Variants in EML4 observed in about 807,000 individuals in gnomAD.
EML4 encodes echinoderm microtubule-associated protein-like 4.
In EML4, 72 loss-of-function variants were observed where a neutral mutation model predicts 129.0. That is an observed-to-expected ratio of 0.56 (90% CI 0.46 to 0.68). The LOEUF (loss-of-function observed/expected upper bound fraction) is 0.68. Among genes scored for constraint, EML4 ranks in the 30% least tolerant of loss-of-function variants. EML4 has a pLI of 0.00. For synonymous variants in EML4, 532 were observed against 405.0 expected (o/e 1.31, Z -3.77); for missense variants, 1,363 against 1,190.6 (o/e 1.14, Z -2.13).
At chr2:42,250,863 A>T (rs922635614) in intron 2 of EML4, among the ~76,000 whole-genome samples, 1 of 152,176 alleles carries the variant, frequency 6.6e-6, no homozygotes, top group African/African-American at 2.4e-5. Context: ...GGGAGCCCTG[A>T]GTTTGTTTTC....
intron 1 of EML4, among the ~76,000 whole-genome samples, chr2:42,170,720 G>A (rs1487201015): frequency 2.0e-5 from 3 of 152,212 alleles, no homozygotes; most frequent in Non-Finnish European, 4.4e-5. Flanking sequence ...ACCTACTGCT[G>A]GAACTGTATT....
chr2:42,282,283 T>C (rs1327768351), intron 7 of EML4, among the ~76,000 whole-genome samples: 1 of 152,052 alleles, frequency 6.6e-6, no homozygotes. Flanking sequence ...CACATTAGGA[T>C]TTCAATACAT....
rs530479511 is a variant in EML4, at chr2:42,249,101, C to G, written c.208+3414C>G. Among the ~76,000 whole-genome samples the G allele has an allele frequency of 1.1e-3, 160 of 152,212 alleles. 1 individual carries two copies. The highest frequency in any genetic ancestry group is 1.8e-3 in the Non-Finnish European group (119 of 67,992). ...TTGTGTACAGCCTAAAATAGATCATCTCAGTTTTGATATTAAACAGGATTG... is the reference window on the plus strand; with the variant it reads ...TTGTGTACAGCCTAAAATAGATCATGTCAGTTTTGATATTAAACAGGATTG... On this transcript the variant is annotated intron_variant, in intron 2 of 22. Coordinates refer to ENST00000318522, the MANE Select transcript of EML4 (RefSeq NM_019063.5).
intron 13 of EML4, among the ~76,000 whole-genome samples, chr2:42,299,801 G>T (rs1668178384): frequency 6.6e-6 from 1 of 152,176 alleles, no homozygotes; most frequent in Admixed American, 6.5e-5. Flanking sequence ...CGATTCTCCT[G>T]CCTCAGCCTC....
chr2:42,313,246 G>A (rs1416159304), intron 17 of EML4, among the ~76,000 whole-genome samples: 3 of 152,084 alleles, frequency 2.0e-5, no homozygotes, highest in Non-Finnish European at 2.9e-5. Flanking sequence ...ATGAGCCACC[G>A]CGCCTGGCTA....
chr2:42,294,347 A>G (rs903898864), intron 11 of EML4, among the ~76,000 whole-genome samples: 8 of 152,202 alleles, frequency 5.3e-5, no homozygotes, highest in African/African-American at 1.7e-4. Flanking sequence ...TTCTAAATCT[A>G]CTTTTTAAGG....
At chr2:42,266,318 T>C (rs1447493619) in intron 6 of EML4, among the ~76,000 whole-genome samples, 2 of 152,212 alleles carry the variant, frequency 1.3e-5, no homozygotes, top group African/African-American at 4.8e-5. Context: ...AAATGAAATT[T>C]TATTTATGAA....
chr2:42,225,126 A>G (rs1339884185), intron 1 of EML4, among the ~76,000 whole-genome samples: 2 of 152,164 alleles, frequency 1.3e-5, no homozygotes, highest in East Asian at 1.9e-4. Context: ...CATTTTATGT[A>G]TATGCCACAT....
At chr2:42,216,048 T>G (rs1673165211) in intron 1 of EML4, among the ~76,000 whole-genome samples, 1 of 151,658 alleles carries the variant, frequency 6.6e-6, no homozygotes, top group Non-Finnish European at 1.5e-5. Flanking sequence ...GCCTCTTAAG[T>G]AGCTGAGACT....
intron 9 of EML4, among the ~76,000 whole-genome samples, chr2:42,285,681 C>G (rs1432951826): frequency 6.6e-6 from 1 of 151,656 alleles, no homozygotes; most frequent in Non-Finnish European, 1.5e-5. Flanking sequence ...TCACTGCAAC[C>G]TGTGTCTCCC....
At chr2:42,266,969 T>C (rs1666097692) in intron 6 of EML4, among the ~76,000 whole-genome samples, 1 of 152,214 alleles carries the variant, frequency 6.6e-6, no homozygotes, top group Non-Finnish European at 1.5e-5. Context: ...TTGAGTTGTC[T>C]ATAAAACTTA....
intron 1 of EML4, among the ~76,000 whole-genome samples, chr2:42,245,070 G>T (rs1478873204): frequency 2.1e-5 from 2 of 94,476 alleles, no homozygotes; most frequent in Admixed American, 1.1e-4. Flanking sequence ...ATGTTATGGA[G>T]TTTTTTGTTT....
chr2:42,247,088 G>T (rs1013634905), intron 2 of EML4, among the ~76,000 whole-genome samples: 8 of 152,156 alleles, frequency 5.3e-5, no homozygotes, highest in African/African-American at 1.9e-4. Context: ...TTTAAAATTT[G>T]TTAAAAATAT....
At chr2:42,218,140 A>G (rs1014320377) in intron 1 of EML4, among the ~76,000 whole-genome samples, 1 of 152,212 alleles carries the variant, frequency 6.6e-6, no homozygotes, top group South Asian at 2.1e-4. Flanking sequence ...CACTCTCATT[A>G]CCACCTACGC....
intron 11 of EML4, among the ~76,000 whole-genome samples, chr2:42,294,072 T>TTTTACTATAAAATATCAATTTACTATA (rs1667810601): frequency 2.6e-5 from 4 of 152,246 alleles, no homozygotes; most frequent in Admixed American, 2.6e-4. Flanking sequence ...GAGTAGATGA[T>TTTTACTATAAAATATCAATTTACTATA]TTTACTATAA....
At chr2:42,222,028 T>A (rs1335335165) in intron 1 of EML4, among the ~76,000 whole-genome samples, 1 of 152,090 alleles carries the variant, frequency 6.6e-6, no homozygotes, top group Non-Finnish European at 1.5e-5. Context: ...CCTCTGCACC[T>A]GGCCTAAAGT....
intron 1 of EML4, among the ~76,000 whole-genome samples, chr2:42,190,957 T>G (rs992103826): frequency 6.6e-6 from 1 of 152,258 alleles, no homozygotes; most frequent in African/African-American, 2.4e-5. Flanking sequence ...CAAAAACAGT[T>G]GACAGGCCAG....
chr2:42,264,969 A>G (rs1319820080), intron 6 of EML4: 3 of 1,547,708 alleles, frequency 1.9e-6, no homozygotes, highest in Non-Finnish European at 2.6e-6. Context: ...TAAGCTACGC[A>G]GTTGGTTGCC....
At chr2:42,325,371 A>G (rs1669730552) in intron 19 of EML4, 96 bp from the exon 20 acceptor site, 6 of 624,728 alleles carry the variant, frequency 9.6e-6, no homozygotes, top group African/African-American at 1.8e-5. Flanking sequence ...AGAAATTCCA[A>G]CAAATGTGTA....
Sources: allele counts gnomAD v4.1 joint callset (sites outside exome capture counted in the v4.1 genomes callset), GRCh38; gene constraint gnomAD v4.1.1; transcripts MANE v1.5; gene names NCBI Gene and HGNC (gene_info 2026-07-23, HGNC 2026-07-21).